Variants in NUAK1 observed in about 807,000 individuals in gnomAD.
The protein encoded by NUAK1 is NUAK family SNF1-like kinase 1.
NUAK1 carries 26 observed loss-of-function variants against 56.9 expected under a neutral mutation model. That is an observed-to-expected ratio of 0.46 (90% confidence interval 0.33 to 0.63). The LOEUF (loss-of-function observed/expected upper bound fraction) is 0.63, where lower values mean the gene tolerates loss of function less well. Ranked by LOEUF, NUAK1 falls within the 30% of genes least tolerant of loss-of-function variation. NUAK1 has a pLI of 0.02. For missense variants in NUAK1, 727 were observed against 876.1 expected, an observed-to-expected ratio of 0.83 and a Z score of 2.15; for synonymous variants, 337 against 336.0, an observed-to-expected ratio of 1.00 and a Z score of -0.03.
At chr12:106,130,595 C>A (rs1200778766) in intron 1 of NUAK1, among the ~76,000 whole-genome samples, 1 of 152,166 alleles carries the variant, frequency 6.6e-6, no homozygotes, top group Non-Finnish European at 1.5e-5. Context: ...CAAGCTACCA[C>A]CAGGGCTGCC....
rs751086959 is a variant in NUAK1 at position 106,094,196 on chromosome 12, G to A, written c.362-7311C>T. ...CACACCTTTGCCTTCCATCAGGTCCGTCTCCTAGGTGACAACCAGGGTGCT... is the reference window on the plus strand; with the variant it reads ...CACACCTTTGCCTTCCATCAGGTCCATCTCCTAGGTGACAACCAGGGTGCT... On this transcript the variant is annotated intron_variant, in intron 2 of 6. Transcript: ENST00000261402. Among the ~76,000 whole-genome samples the A allele has an allele frequency of 1.5e-4, 23 of 152,088 alleles. 1 individual carries two copies. The highest frequency in any genetic ancestry group is 2.9e-4 in the African/African-American group (12 of 41,484).
intron 1 of NUAK1, among the ~76,000 whole-genome samples, chr12:106,130,536 G>A (rs2033067235): frequency 6.6e-6 from 1 of 152,230 alleles, no homozygotes; most frequent in Non-Finnish European, 1.5e-5. Context: ...TTATGGGGAA[G>A]CTTCAGCCAC....
In NUAK1 at chr12:106,067,648, A is replaced by G; in HGVS notation, c.1140T>C (p.Ser380=). 6.2e-7 allele frequency: 1 copy of G among 1,614,266 alleles called. No individual in the cohort carries two copies. Among genetic ancestry groups the G allele is most frequent in the Non-Finnish European group, 8.5e-7 (1 of 1,180,048 alleles). ...KSKKENDFAQ[S]GQDAVPESPS... The stretch of plus-strand genomic sequence containing the variant: ...GGCTTTCAGGCACTGCATCCTGACC[A>G]GACTGAGCAAAGTCATTCTCTTTCT... Residue 380 remains serine (S), a synonymous_variant, in exon 7 of 7, where the codon TCT becomes TCC. Transcript: ENST00000261402. This position sits in a 1 kb window ranked among gnomAD's most constrained non-coding sequence, Gnocchi z 6.0.
At chr12:106,093,338 T>G (rs1565922369) in intron 2 of NUAK1, among the ~76,000 whole-genome samples, 1 of 152,240 alleles carries the variant, frequency 6.6e-6, no homozygotes, top group East Asian at 1.9e-4. Flanking sequence ...TTTTTCTTGT[T>G]TGCTGTTTAT....
At chr12:106,074,658 A>T (rs1054612861) in intron 4 of NUAK1, among the ~76,000 whole-genome samples, 1 of 152,038 alleles carries the variant, frequency 6.6e-6, no homozygotes, top group East Asian at 1.9e-4. Flanking sequence ...GCTGATTTCC[A>T]TTTGAGGCTT....
intron 1 of NUAK1, among the ~76,000 whole-genome samples, chr12:106,120,143 C>T (rs1308231927): frequency 6.6e-6 from 1 of 152,164 alleles, no homozygotes; most frequent in Non-Finnish European, 1.5e-5. Flanking sequence ...CCGGTCCACA[C>T]AATGAGCCAA....
rs1238306220 is a variant in NUAK1, at chr12:106,064,495, T to TAA, written c.*2306_*2307insTT. The TAA allele has an allele frequency of 6.6e-6, 1 of 152,166 alleles. No homozygotes were observed. Among genetic ancestry groups the TAA allele is most frequent in the Non-Finnish European group, 1.5e-5 (1 of 68,036 alleles). The allele number at this position is 152,166 out of a possible 1,614,324, so 9.4% of individuals were successfully genotyped here. On this transcript the variant is annotated 3_prime_UTR_variant, in exon 7 of 7. Coordinates refer to ENST00000261402, the MANE Select transcript of NUAK1 (RefSeq NM_014840.3). ...GAGTTTCCTGACAAAAGAGAACACG[T>TAA]GTTTGGGGGGAGGAAGAAGGGAGTA...
intron 2 of NUAK1, among the ~76,000 whole-genome samples, chr12:106,088,435 T>C (rs1443993127): frequency 6.6e-6 from 1 of 152,204 alleles, no homozygotes; most frequent in East Asian, 1.9e-4. Context: ...CCCACTGCAC[T>C]AGTCAATACT....
intron 4 of NUAK1, among the ~76,000 whole-genome samples, chr12:106,079,111 A>G (rs956969566): frequency 2.6e-5 from 4 of 152,206 alleles, no homozygotes; most frequent in African/African-American, 9.6e-5. Flanking sequence ...TATTAGCTGC[A>G]AGAGCTTCCT....
At chr12:106,075,530 A>G (rs1399530935) in intron 4 of NUAK1, among the ~76,000 whole-genome samples, 2 of 152,158 alleles carry the variant, frequency 1.3e-5, no homozygotes, top group African/African-American at 4.8e-5. Context: ...AGATTAAATG[A>G]CATAAAGTAT....
intron 1 of NUAK1, among the ~76,000 whole-genome samples, chr12:106,118,789 A>ATT (rs1344366914): frequency 6.6e-6 from 1 of 152,150 alleles, no homozygotes; most frequent in Non-Finnish European, 1.5e-5. Context: ...AAACTCTTAC[A>ATT]TTTGTTTAAT....
At chr12:106,108,273 A>G (rs1226367777) in intron 1 of NUAK1, among the ~76,000 whole-genome samples, 2 of 152,198 alleles carry the variant, frequency 1.3e-5, no homozygotes, top group Admixed American at 1.3e-4. Context: ...TACACAGGCA[A>G]TAGAGGAATA....
chr12:106,089,989 G>A (rs902044093), intron 2 of NUAK1, among the ~76,000 whole-genome samples: 1 of 152,124 alleles, frequency 6.6e-6, no homozygotes, highest in Non-Finnish European at 1.5e-5. Context: ...AAATTCCACA[G>A]TCAAACCCAA....
At chr12:106,117,265 A>G (rs2032927405) in intron 1 of NUAK1, among the ~76,000 whole-genome samples, 1 of 152,178 alleles carries the variant, frequency 6.6e-6, no homozygotes, top group African/African-American at 2.4e-5. Context: ...CATCCCAGCA[A>G]AGTGTTCTTT....
chr12:106,124,996 C>CAATAAATA (rs55900706), intron 1 of NUAK1, among the ~76,000 whole-genome samples: 13,124 of 146,964 alleles, frequency 0.089, 705 homozygotes, highest in East Asian at 0.14. Flanking sequence ...GACTCCATCT[C>CAATAAATA]AATAAATAAA....
chr12:106,070,942 G>GA (rs2032401006), intron 5 of NUAK1, 36 bp from the exon 6 acceptor site: 1 of 1,612,346 alleles, frequency 6.2e-7, no homozygotes, highest in Admixed American at 1.7e-5. Context: ...GGAGAGCTGG[G>GA]AAACAGATCC....
chr12:106,097,571 T>A (rs1429080430), intron 2 of NUAK1, among the ~76,000 whole-genome samples: 5 of 152,232 alleles, frequency 3.3e-5, no homozygotes, highest in Admixed American at 1.3e-4. Flanking sequence ...CTGAGAACCC[T>A]GGAGTAGCAC....
intron 1 of NUAK1, among the ~76,000 whole-genome samples, chr12:106,120,119 C>A (rs2032959176): frequency 6.6e-6 from 1 of 152,166 alleles, no homozygotes; most frequent in Non-Finnish European, 1.5e-5. Flanking sequence ...GGGCTACTCT[C>A]TGCTTTTCCC....
intron 2 of NUAK1, among the ~76,000 whole-genome samples, chr12:106,090,856 T>C (rs954046713): frequency 1.3e-5 from 2 of 152,228 alleles, no homozygotes; most frequent in Non-Finnish European, 2.9e-5. Context: ...TTAAAACATG[T>C]TGTGGCTGCC....
Sources: gnomAD v4.1 joint callset for allele counts (sites outside exome capture counted in the v4.1 genomes callset) on GRCh38, gnomAD v4.1.1 for gene constraint, Gnocchi (gnomAD v3.1) non-coding constraint, MANE v1.5 for transcripts, NCBI Gene and HGNC (gene_info 2026-07-23, HGNC 2026-07-21) for gene names.